P2RX3: variants seen among roughly 807,000 people sequenced by gnomAD.
P2RX3 encodes the protein P2X purinoceptor 3.
In P2RX3, 41 loss-of-function variants were observed where a neutral mutation model predicts 51.5. The ratio of observed to expected loss-of-function variants is 0.80; its 90% CI spans 0.62 to 1.03. P2RX3 has a LOEUF of 1.03. Among genes scored for constraint, P2RX3 ranks in the 50% least tolerant of loss-of-function variants. The pLI is 0.00. For synonymous variants in P2RX3, 185 were observed against 191.6 expected (o/e 0.97, Z 0.29); for missense variants, 459 against 522.1 (o/e 0.88, Z 1.18).
Position 57,348,633 on chromosome 11 carries a change from C to A in P2RX3, c.492C>A (p.Ile164=). Residue 164 remains isoleucine, a synonymous_variant, in exon 6 of 12, where the codon ATC becomes ATA. Transcript: ENST00000263314. ...CTCCTGTGCTCACCCACAGGCCCAT[C>A]ATGATGGAAGCTGAGAACTTCACTA... is the stretch of plus-strand genomic sequence containing the variant. ...PTEVDTVETP[I]MMEAENFTIF... 6.2e-7 allele frequency: 1 copy of A among 1,613,860 alleles called. No individual in the cohort carries two copies. Among genetic ancestry groups the A allele is most frequent in the Non-Finnish European group, 8.5e-7 (1 of 1,179,798 alleles).
chr11:57,348,091 G>C, intron 4 of P2RX3, 79 bp from the exon 5 acceptor site: 1 of 1,289,628 alleles, frequency 7.8e-7, no homozygotes, highest in Non-Finnish European at 1.1e-6. Flanking sequence ...TCCCTGATGG[G>C]GGGAAGGGAA....
chr11:57,339,777 T>A (rs1856304633), intron 1 of P2RX3, among the ~76,000 whole-genome samples: 2 of 152,236 alleles, frequency 1.3e-5, no homozygotes, highest in Admixed American at 6.5e-5. Context: ...GAGAATCCTG[T>A]GTGCCTGTGG....
chr11:57,366,167 C>A (rs1019887600), intron 8 of P2RX3, among the ~76,000 whole-genome samples: 1 of 152,188 alleles, frequency 6.6e-6, no homozygotes, highest in African/African-American at 2.4e-5. Flanking sequence ...AGAGATGACA[C>A]TTTCCTAATG....
chr11:57,369,508 A>G (rs969540656), intron 11 of P2RX3, 70 bp downstream of exon 11: 2 of 1,442,946 alleles, frequency 1.4e-6, no homozygotes, highest in South Asian at 1.2e-5. Context: ...AGGGACTCTC[A>G]GTGGCTCCCC....
At chr11:57,357,690 A>T (rs1009176518) in intron 8 of P2RX3, among the ~76,000 whole-genome samples, 7 of 152,050 alleles carry the variant, frequency 4.6e-5, no homozygotes, top group Admixed American at 3.3e-4. Flanking sequence ...CCTGCCTTTG[A>T]GGTTGATTTG....
chr11:57,353,848 C>CT (rs61036618), intron 8 of P2RX3, among the ~76,000 whole-genome samples: 1 of 126,292 alleles, frequency 7.9e-6, no homozygotes, highest in Non-Finnish European at 1.6e-5. Flanking sequence ...CCCCCCCCCC[C>CT]GCCCCTATTT....
chr11:57,355,735 C>T (rs1021315543), intron 8 of P2RX3, among the ~76,000 whole-genome samples: 2 of 152,214 alleles, frequency 1.3e-5, no homozygotes, highest in African/African-American at 4.8e-5. Flanking sequence ...CATGGGAAGT[C>T]CCCTTCATTC....
Position 57,366,208 on chromosome 11 carries a change from C to T in P2RX3, c.843-1801C>T, listed in dbSNP as rs140622929. On this transcript the variant is annotated intron_variant, in intron 8 of 11. Transcript: ENST00000263314. ...GTTTGGCCCGTGATGAGCAGAGCCA[C>T]GCAGCAGGAAGTGCACTGGCTTTAG... 5.1e-3 allele frequency among the ~76,000 whole-genome samples: 777 copies of T among 152,318 alleles called. 1 individual carries two copies. Among genetic ancestry groups the T allele is most frequent in the Non-Finnish European group, 8.5e-3 (576 of 68,030 alleles).
chr11:57,346,796 G>A (rs1330568850), intron 2 of P2RX3, 117 bp downstream of exon 2: 1 of 1,391,130 alleles, frequency 7.2e-7, no homozygotes, highest in Non-Finnish European at 9.7e-7. Context: ...TGATGTCACT[G>A]ATCCAGAGGA....
chr11:57,362,140 CAAGGTGGAAA>C (rs1467879094), intron 8 of P2RX3, among the ~76,000 whole-genome samples: 1 of 152,122 alleles, frequency 6.6e-6, no homozygotes, highest in African/African-American at 2.4e-5. Flanking sequence ...TAGGAGTCTG[CAAGGTGGAAA>C]AGGGAGGCAA....
intron 8 of P2RX3, among the ~76,000 whole-genome samples, chr11:57,351,296 AAAGT>A (rs1428761653): frequency 6.6e-6 from 1 of 152,194 alleles, no homozygotes. Flanking sequence ...CTCGCTCTAC[AAAGT>A]AAGGGTGATA....
chr11:57,366,272 C>T (rs1040923261), intron 8 of P2RX3, among the ~76,000 whole-genome samples: 2 of 152,180 alleles, frequency 1.3e-5, no homozygotes, highest in Non-Finnish European at 2.9e-5. Context: ...CCAAATCCAG[C>T]ACTTCACTAA....
rs1190002912 is a variant in P2RX3, at chr11:57,338,561, T to C, written c.11T>C (p.Ile4Thr). 5.7e-6 allele frequency: 9 copies of C among 1,587,742 alleles called. No homozygotes were observed. The African/African-American group carries it at 9.4e-5, about 17-fold the overall frequency. Residue 4 changes from isoleucine (I) to threonine (T), a missense_variant, in exon 1 of 12, where the codon ATA (isoleucine) becomes ACA (threonine). Transcript: ENST00000263314. Reference sequence around the variant, plus strand: ...GAGCACTCTCTCAGCATGAACTGCATATCCGACTTCTTCACCTATGAGACC... The same window carrying C: ...GAGCACTCTCTCAGCATGAACTGCACATCCGACTTCTTCACCTATGAGACC... MNC[I>T]SDFFTYETTK...
At chr11:57,359,255 T>C (rs1024439406) in intron 8 of P2RX3, among the ~76,000 whole-genome samples, 1 of 152,010 alleles carries the variant, frequency 6.6e-6, no homozygotes, top group African/African-American at 2.4e-5. Context: ...ACATACCCCA[T>C]CCCCTCCTTC....
Position 57,345,642 on chromosome 11 carries a change from G to C in P2RX3, c.120-902G>C, listed in dbSNP as rs1049982806. ...GTGATTGGCGATTTCAAATGGAAAG[G>C]CAGGCACTTTATAGGAAAGCAGAGG... On this transcript the variant is annotated intron_variant, in intron 1 of 11. Coordinates refer to ENST00000263314, the MANE Select transcript of P2RX3 (RefSeq NM_002559.5). Among the ~76,000 whole-genome samples the C allele has an allele frequency of 2.0e-5, 3 of 152,296 alleles. No individual in the cohort carries two copies. The East Asian group carries it at 5.8e-4, about 29-fold the overall frequency.
At chr11:57,340,775 A>G (rs1348697763) in intron 1 of P2RX3, 1 of 152,382 alleles carries the variant, frequency 6.6e-6, no homozygotes, top group Non-Finnish European at 1.5e-5. Flanking sequence ...GTCAGGGAGT[A>G]AGGGAAGGTT....
intron 1 of P2RX3, among the ~76,000 whole-genome samples, chr11:57,344,121 A>G (rs1319848361): frequency 2.6e-5 from 4 of 152,224 alleles, no homozygotes; most frequent in Non-Finnish European, 5.9e-5. Flanking sequence ...ACAAGCACGC[A>G]AGTCACTCTA....
intron 1 of P2RX3, among the ~76,000 whole-genome samples, chr11:57,342,505 C>T (rs1295596047): frequency 6.6e-6 from 1 of 152,040 alleles, no homozygotes; most frequent in Non-Finnish European, 1.5e-5. Context: ...AGAGGAGTGA[C>T]TCTCATTCCT....
intron 6 of P2RX3, among the ~76,000 whole-genome samples, 177 bp from the exon 7 acceptor site, chr11:57,349,580 G>C (rs1856505374): frequency 6.6e-6 from 1 of 152,198 alleles, no homozygotes; most frequent in Admixed American, 6.5e-5. Context: ...AGGGAAGGCG[G>C]TGATGGGGCA....
Sources: gnomAD v4.1 joint callset for allele counts (sites outside exome capture counted in the v4.1 genomes callset) on GRCh38, gnomAD v4.1.1 for gene constraint, MANE v1.5 for transcripts, NCBI Gene and HGNC (gene_info 2026-07-23, HGNC 2026-07-21) for gene names.